Variants in PAICS observed in about 807,000 individuals in gnomAD.
PAICS encodes bifunctional phosphoribosylaminoimidazole carboxylase/phosphoribosylaminoimidazole succinocarboxamide synthetase.
In PAICS, 33 loss-of-function variants were observed where a neutral mutation model predicts 53.7. The observed-to-expected ratio is 0.61, with a 90% CI of 0.47 to 0.82. The LOEUF (loss-of-function observed/expected upper bound fraction) is 0.82, where lower values mean the gene tolerates loss of function less well. Ranked by LOEUF, PAICS falls within the 40% of genes least tolerant of loss-of-function variation. The probability of loss-of-function intolerance (pLI) is 0.00; values close to 1 mark genes in which losing one functional copy is unlikely to be tolerated. For missense variants in PAICS, 394 were observed against 494.1 expected (o/e 0.80, Z 1.92); for synonymous variants, 141 against 167.2 (o/e 0.84, Z 1.21).
the PAICS span, among the ~76,000 whole-genome samples, chr4:56,415,927 G>A: frequency 6.6e-6 from 1 of 152,024 alleles, no homozygotes; most frequent in Non-Finnish European, 1.5e-5. Context: ...AAAATTAGCC[G>A]GGCGTGGTGG....
rs1363183479 is a variant in PAICS, at chr4:56,453,699, G to A, written c.1049G>A (p.Cys350Tyr). ...AACACTGCATATCCAGTTATCAGCTGTCCTCCCCTCACACCAGACTGGGGA... is the reference window on the plus strand; with the variant it reads ...AACACTGCATATCCAGTTATCAGCTATCCTCCCCTCACACCAGACTGGGGA... The part of the protein sequence containing the change: ...SGNTAYPVIS[C>Y]PPLTPDWGVQ... The change falls in exon 8 of 9, where the codon TGT (cysteine) becomes TAT (tyrosine). Residue 350 changes from cysteine (C) to tyrosine (Y), a missense_variant. Around this residue, in one of 3 missense-constraint regions of PAICS, gnomAD observed 95 missense variants for 89.3 expected, o/e 1.06. Coordinates refer to ENST00000512576, the MANE Select transcript of PAICS (RefSeq NM_001079524.2). 1.9e-6 allele frequency: 3 copies of A among 1,557,980 alleles called. No homozygotes were observed. The highest frequency in any genetic ancestry group is 8.7e-7 in the Non-Finnish European group (1 of 1,149,548).
the PAICS span, chr4:56,419,649 A>G: frequency 2.0e-6 from 2 of 983,638 alleles, no homozygotes; most frequent in Non-Finnish European, 1.2e-6. Flanking sequence ...CTCTAATAAT[A>G]CAACTTTTAT....
rs1164901685 is a variant in PAICS at position 56,446,482 on chromosome 4, T to G, written c.215-213T>G. On this transcript the variant is annotated intron_variant, in intron 2 of 8. Coordinates refer to ENST00000512576, the MANE Select transcript of PAICS (RefSeq NM_001079524.2). ...ATGTATCAGGAATTTCGTTCCTTTT[T>G]ATGGCTGAACAATACATTGTATGTA... 7 of 692,286 alleles carry G rather than the reference T, an allele frequency of 1.0e-5. No homozygotes were observed. In the East Asian group the frequency reaches 1.9e-4, roughly 19 times the overall value. 42.9% of individuals were successfully genotyped at this position (692,286 alleles called of 1,614,324 possible).
At chr4:56,446,614 G>T (rs1718632543) in intron 2 of PAICS, 81 bp from the exon 3 acceptor site, 2 of 796,498 alleles carry the variant, frequency 2.5e-6, no homozygotes, top group Non-Finnish European at 4.0e-6. Flanking sequence ...GCTTGTAAAG[G>T]GTAGAGTTTT....
chr4:56,450,602 T>C lies in PAICS; in HGVS notation c.688-17T>C, dbSNP rs1223889005. The stretch of plus-strand genomic sequence containing the variant: ...CAAGAGATACTTGTTTTCTAAACTT[T>C]CTATCTTATTTTCTAGTCTTATCGG... On this transcript the variant is annotated splice_polypyrimidine_tract_variant and intron_variant, in intron 5 of 8. Coordinates refer to ENST00000512576, the MANE Select transcript of PAICS (RefSeq NM_001079524.2). The C allele has an allele frequency of 2.2e-6, 3 of 1,351,558 alleles. No individual in the cohort carries two copies. Among genetic ancestry groups the C allele is most frequent in the East Asian group, 2.5e-5 (1 of 40,088 alleles). The allele number at this position is 1,351,558 out of a possible 1,614,324, so 83.7% of individuals were successfully genotyped here. A position where few individuals can be genotyped will look rare whatever the true frequency, so the allele number is the denominator to read the frequency against.
At chr4:56,415,043 TAG>T in the PAICS span, among the ~76,000 whole-genome samples, 1 of 152,222 alleles carries the variant, frequency 6.6e-6, no homozygotes, top group East Asian at 1.9e-4. Flanking sequence ...GAAACCCTAA[TAG>T]AGTTTTTAAG....
chr4:56,431,043 C>T (rs13146014), upstream of PAICS, among the ~76,000 whole-genome samples: 4 of 151,630 alleles, frequency 2.6e-5, no homozygotes, highest in African/African-American at 9.7e-5. Context: ...TATTTTAAAG[C>T]AAGAATCACT....
chr4:56,417,072 C>G, the PAICS span, among the ~76,000 whole-genome samples: 1 of 152,210 alleles, frequency 6.6e-6, no homozygotes, highest in Non-Finnish European at 1.5e-5. Flanking sequence ...TGATCTAGAA[C>G]TCTCGACCTC....
upstream of PAICS, chr4:56,435,794 C>T: frequency 2.6e-6 from 4 of 1,513,030 alleles, no homozygotes; most frequent in African/African-American, 1.4e-5. Flanking sequence ...ATTTGCTGCA[C>T]GTGGAAATCT....
At chr4:56,426,447 G>C in the PAICS span, among the ~76,000 whole-genome samples, 2 of 151,590 alleles carry the variant, frequency 1.3e-5, no homozygotes, top group African/African-American at 4.8e-5. Context: ...TAGTTTAACT[G>C]CTTGACCACA....
At chr4:56,426,374 C>T in the PAICS span, among the ~76,000 whole-genome samples, 2 of 151,982 alleles carry the variant, frequency 1.3e-5, no homozygotes, top group Non-Finnish European at 2.9e-5. Context: ...TGCACTCCAG[C>T]CTGGGCGACT....
intron 1 of PAICS, among the ~76,000 whole-genome samples, chr4:56,437,107 T>C (rs1421978747): frequency 6.7e-6 from 1 of 148,870 alleles, no homozygotes; most frequent in Admixed American, 6.7e-5. Flanking sequence ...GATGCCACGA[T>C]AGCTTGGGGT....
chr4:56,415,794 A>C, the PAICS span, among the ~76,000 whole-genome samples: 1 of 152,074 alleles, frequency 6.6e-6, no homozygotes, highest in East Asian at 1.9e-4. Context: ...AAAAATTGTA[A>C]GGCTGGGCAC....
At chr4:56,417,835 G>GTTTTTTTTTTT in the PAICS span, among the ~76,000 whole-genome samples, 8 of 102,590 alleles carry the variant, frequency 7.8e-5, no homozygotes, top group African/African-American at 2.8e-4. Flanking sequence ...TGAAGATTTG[G>GTTTTTTTTTTT]TTTTTTGTTT....
intron 3 of PAICS, 129 bp downstream of exon 3, chr4:56,447,002 ATT>A: frequency 2.0e-6 from 1 of 504,968 alleles, no homozygotes; most frequent in Non-Finnish European, 3.3e-6. Flanking sequence ...TCATTCCAAA[ATT>A]TGTCTTATCT....
chr4:56,429,348 T>C, the PAICS span, among the ~76,000 whole-genome samples: 1 of 152,140 alleles, frequency 6.6e-6, no homozygotes, highest in Non-Finnish European at 1.5e-5. Context: ...TGTTATCAGA[T>C]GTAAAAAGAA....
At chr4:56,425,155 A>G in the PAICS span, among the ~76,000 whole-genome samples, 1 of 152,226 alleles carries the variant, frequency 6.6e-6, no homozygotes, top group Non-Finnish European at 1.5e-5. Context: ...ACCATCTCAA[A>G]GGGTACGCTA....
At chr4:56,444,195 T>G (rs1718478639) in intron 2 of PAICS, among the ~76,000 whole-genome samples, 2 of 152,170 alleles carry the variant, frequency 1.3e-5, no homozygotes, top group African/African-American at 4.8e-5. Context: ...AAAATCAGGA[T>G]TCTACTTTTC....
intron 1 of PAICS, among the ~76,000 whole-genome samples, chr4:56,440,869 TTCTC>T (rs1167635002): frequency 6.6e-6 from 1 of 152,198 alleles, no homozygotes; most frequent in African/African-American, 2.4e-5. Flanking sequence ...GAGGGTTGAT[TTCTC>T]TCTTTCGAAA....
Sources: allele counts gnomAD v4.1 joint callset (sites outside exome capture counted in the v4.1 genomes callset), GRCh38; gene constraint gnomAD v4.1.1; regional missense constraint gnomAD v4.1.1; transcripts MANE v1.5; gene names NCBI Gene and HGNC (gene_info 2026-07-23, HGNC 2026-07-21).